Variants in ZCCHC17 observed in about 807,000 individuals in gnomAD.
ZCCHC17 encodes zinc finger CCHC domain-containing protein 17.
In ZCCHC17, 18 loss-of-function variants were observed where a neutral mutation model predicts 30.6. That is an observed-to-expected ratio of 0.59 (90% CI 0.41 to 0.87). The LOEUF is 0.87. Among genes scored for constraint, ZCCHC17 ranks in the 40% least tolerant of loss-of-function variants. The pLI, the probability that ZCCHC17 is intolerant of heterozygous loss-of-function variation, is 0.00. For missense variants in ZCCHC17, 263 were observed against 284.2 expected, an observed-to-expected ratio of 0.93 and a Z score of 0.54; for synonymous variants, 88 against 92.4, an observed-to-expected ratio of 0.95 and a Z score of 0.27.
intron 2 of ZCCHC17, among the ~76,000 whole-genome samples, chr1:31,316,082 GATTT>G (rs934539816): frequency 1.3e-5 from 2 of 152,092 alleles, no homozygotes; most frequent in Non-Finnish European, 2.9e-5. Context: ...CTAACTTCCA[GATTT>G]ATTTATTTAT....
At chr1:31,324,907 G>A (rs1268310947) in intron 3 of ZCCHC17, among the ~76,000 whole-genome samples, 2 of 152,226 alleles carry the variant, frequency 1.3e-5, no homozygotes, top group Admixed American at 6.5e-5. Context: ...CTAAAGCATA[G>A]GGGCCAGGCT....
At chr1:31,333,581 T>C (rs568756312) in intron 3 of ZCCHC17, among the ~76,000 whole-genome samples, 2 of 152,246 alleles carry the variant, frequency 1.3e-5, no homozygotes, top group East Asian at 3.9e-4. Flanking sequence ...ATATATAGTT[T>C]ACTCTCACTG....
At chr1:31,310,272 C>A in intron 2 of ZCCHC17, 108 bp downstream of exon 2, 1 of 1,112,352 alleles carries the variant, frequency 9.0e-7, no homozygotes, top group Non-Finnish European at 1.3e-6. Flanking sequence ...AGCATTACAG[C>A]TTAAATGGGA....
chr1:31,342,974 A>G (rs1639101162), intron 5 of ZCCHC17, among the ~76,000 whole-genome samples: 1 of 152,238 alleles, frequency 6.6e-6, no homozygotes, highest in Admixed American at 6.5e-5. Flanking sequence ...ACCTTGTTTA[A>G]GGAAAGAAGA....
At chr1:31,313,725 T>C (rs566359702) in intron 2 of ZCCHC17, among the ~76,000 whole-genome samples, 1 of 152,204 alleles carries the variant, frequency 6.6e-6, no homozygotes, top group South Asian at 2.1e-4. Context: ...TGAAACTGAT[T>C]TTTCTGATCA....
intron 2 of ZCCHC17, among the ~76,000 whole-genome samples, chr1:31,317,336 C>CT (rs1646761382): frequency 6.6e-6 from 1 of 152,150 alleles, no homozygotes; most frequent in South Asian, 2.1e-4. Flanking sequence ...CCCTAACTCT[C>CT]AAGTAGTTGT....
chr1:31,337,343 T>C, intron 4 of ZCCHC17, 68 bp downstream of exon 4: 1 of 1,326,246 alleles, frequency 7.5e-7, no homozygotes, highest in Admixed American at 1.9e-5. Context: ...TGATATTTTA[T>C]GATAGTGAGT....
chr1:31,304,627 G>A (rs911562898), intron 1 of ZCCHC17, among the ~76,000 whole-genome samples: 8 of 149,338 alleles, frequency 5.4e-5, no homozygotes, highest in Admixed American at 3.4e-4. Flanking sequence ...ACGGACTCTC[G>A]CTCTGTCGCC....
chr1:31,297,059 C>T lies in ZCCHC17; in HGVS notation c.-72C>T, dbSNP rs182842697. The T allele has an allele frequency of 4.5e-6, 2 of 442,140 alleles. No homozygotes were observed. The highest frequency in any genetic ancestry group is 3.4e-5 in the East Asian group (1 of 29,048). The allele number at this position is 442,140 out of a possible 1,614,324, so 27.4% of individuals were successfully genotyped here. ...TTAGTTCAGCGCAGCGACTCGGGGACCTGGAGCTGACGCCTAGTACGTATG... is the reference window on the plus strand; with the variant it reads ...TTAGTTCAGCGCAGCGACTCGGGGATCTGGAGCTGACGCCTAGTACGTATG... On this transcript the variant is annotated 5_prime_UTR_variant, in exon 1 of 8. Coordinates refer to ENST00000344147, the MANE Select transcript of ZCCHC17 (RefSeq NM_016505.4).
At chr1:31,306,020 C>T (rs1646447117) in intron 1 of ZCCHC17, among the ~76,000 whole-genome samples, 1 of 152,118 alleles carries the variant, frequency 6.6e-6, no homozygotes. Context: ...ATTTTCTACC[C>T]ACAAATTTAA....
chr1:31,299,825 A>C (rs777581111), intron 1 of ZCCHC17, among the ~76,000 whole-genome samples: 10 of 152,016 alleles, frequency 6.6e-5, no homozygotes, highest in Non-Finnish European at 1.3e-4. Flanking sequence ...AGTTAAAGGG[A>C]GTTTAGGGTG....
At chr1:31,308,670 G>A (rs531907326) in intron 1 of ZCCHC17, among the ~76,000 whole-genome samples, 1 of 152,284 alleles carries the variant, frequency 6.6e-6, no homozygotes, top group East Asian at 1.9e-4. Context: ...TAGATTGCTG[G>A]TTTCCCCTCT....
At chr1:31,323,126 A>G (rs930660898) in intron 3 of ZCCHC17, among the ~76,000 whole-genome samples, 5 of 152,170 alleles carry the variant, frequency 3.3e-5, no homozygotes, top group African/African-American at 1.2e-4. Flanking sequence ...AATGAATAAC[A>G]AAAGACACTT....
intron 1 of ZCCHC17, among the ~76,000 whole-genome samples, chr1:31,304,484 G>A (rs1004213214): frequency 6.6e-5 from 10 of 151,322 alleles, no homozygotes; most frequent in East Asian, 1.9e-4. Context: ...GGGTTTCATC[G>A]TGTTGCCCAG....
At chr1:31,312,839 A>C (rs1371605801) in intron 2 of ZCCHC17, among the ~76,000 whole-genome samples, 1 of 152,034 alleles carries the variant, frequency 6.6e-6, no homozygotes, top group Non-Finnish European at 1.5e-5. Flanking sequence ...AGCTCACTGC[A>C]ACTGCTCACT....
intron 2 of ZCCHC17, among the ~76,000 whole-genome samples, chr1:31,311,266 C>T (rs900063425): frequency 1.3e-5 from 2 of 152,026 alleles, no homozygotes; most frequent in African/African-American, 2.4e-5. Context: ...GTTGCTTTCT[C>T]ACGGCTCTTC....
At chr1:31,311,886 G>A (rs1646613375) in intron 2 of ZCCHC17, among the ~76,000 whole-genome samples, 1 of 152,234 alleles carries the variant, frequency 6.6e-6, no homozygotes, top group African/African-American at 2.4e-5. Flanking sequence ...GTTAAGTCAT[G>A]AAGGCTCTGC....
At chr1:31,355,841 C>G (rs1639623743) in intron 7 of ZCCHC17, among the ~76,000 whole-genome samples, 1 of 152,166 alleles carries the variant, frequency 6.6e-6, no homozygotes, top group Admixed American at 6.5e-5. Flanking sequence ...CCTCCTGTTT[C>G]CTTTTACCCT....
chr1:31,303,443 C>T (rs1264469415), intron 1 of ZCCHC17, among the ~76,000 whole-genome samples: 1 of 152,052 alleles, frequency 6.6e-6, no homozygotes, highest in East Asian at 1.9e-4. Context: ...AATTAGTACT[C>T]AAGTAACAAA....
Sources: allele counts gnomAD v4.1 joint callset (sites outside exome capture counted in the v4.1 genomes callset), GRCh38; gene constraint gnomAD v4.1.1; transcripts MANE v1.5; gene names NCBI Gene and HGNC (gene_info 2026-07-23, HGNC 2026-07-21).